ADAM29: variants seen among roughly 807,000 people sequenced by gnomAD.
The protein encoded by ADAM29 is disintegrin and metalloproteinase domain-containing protein 29.
For missense variants in ADAM29, 969 were observed against 1,001.8 expected, an observed-to-expected ratio of 0.97 and a Z score of 0.44; for synonymous variants, 367 against 342.3, an observed-to-expected ratio of 1.07 and a Z score of -0.80.
intron 4 of ADAM29, among the ~76,000 whole-genome samples, chr4:174,943,621 C>A (rs1416206133): frequency 6.6e-6 from 1 of 152,114 alleles, no homozygotes; most frequent in Non-Finnish European, 1.5e-5. Flanking sequence ...ATGATCCAAC[C>A]ACCTCCCACC....
intron 4 of ADAM29, among the ~76,000 whole-genome samples, chr4:174,974,079 A>G (rs949513474): frequency 1.3e-5 from 2 of 152,196 alleles, no homozygotes; most frequent in Admixed American, 6.5e-5. Context: ...TGGAATGGAC[A>G]GCCCACCAGT....
chr4:174,964,515 A>G (rs1264879933), intron 4 of ADAM29, among the ~76,000 whole-genome samples: 12 of 152,070 alleles, frequency 7.9e-5, no homozygotes, highest in Admixed American at 7.9e-4. Flanking sequence ...AAGATAAGAA[A>G]CCCCAAAATA....
intron 4 of ADAM29, among the ~76,000 whole-genome samples, chr4:174,964,784 T>C (rs549377069): frequency 1.2e-4 from 18 of 152,248 alleles, no homozygotes; most frequent in African/African-American, 4.3e-4. Context: ...ACATAGAAAG[T>C]TGAATTTAAC....
chr4:174,943,603 C>T, intron 4 of ADAM29, among the ~76,000 whole-genome samples: 1 of 152,044 alleles, frequency 6.6e-6, no homozygotes, highest in Non-Finnish European at 1.5e-5. Context: ...TGGGGGAAAT[C>T]CACCCCCATG....
chr4:174,952,356 AC>A (rs1745227526), intron 4 of ADAM29, among the ~76,000 whole-genome samples: 1 of 142,350 alleles, frequency 7.0e-6, no homozygotes, highest in Non-Finnish European at 1.5e-5. Context: ...ATAACCACAC[AC>A]ACACACACAC....
At chr4:174,939,626 T>C (rs1385443978) in intron 4 of ADAM29, among the ~76,000 whole-genome samples, 1 of 152,218 alleles carries the variant, frequency 6.6e-6, no homozygotes, top group African/African-American at 2.4e-5. Flanking sequence ...AAATAATTTA[T>C]AATATTTCAT....
intron 4 of ADAM29, among the ~76,000 whole-genome samples, chr4:174,952,534 C>T (rs1432869683): frequency 6.6e-6 from 1 of 152,098 alleles, no homozygotes; most frequent in Non-Finnish European, 1.5e-5. Flanking sequence ...TTTTAAAGAA[C>T]ACCTTTAGAA....
intron 4 of ADAM29, among the ~76,000 whole-genome samples, chr4:174,969,178 T>A (rs1352006884): frequency 6.6e-6 from 1 of 151,374 alleles, no homozygotes; most frequent in Non-Finnish European, 1.5e-5. Context: ...AAATTTTTTT[T>A]ATTATTATAC....
chr4:174,947,732 G>C (rs1010143880), intron 4 of ADAM29, among the ~76,000 whole-genome samples: 1 of 152,168 alleles, frequency 6.6e-6, no homozygotes, highest in Non-Finnish European at 1.5e-5. Context: ...CTTGGGTAGA[G>C]AGTTCTCTAG....
intron 4 of ADAM29, among the ~76,000 whole-genome samples, chr4:174,947,555 G>A (rs144208779): frequency 6.6e-6 from 1 of 152,142 alleles, no homozygotes; most frequent in Admixed American, 6.5e-5. Flanking sequence ...GTATGGTTTT[G>A]AGCAATCTTC....
intron 4 of ADAM29, among the ~76,000 whole-genome samples, chr4:174,950,527 C>T (rs1177933035): frequency 6.6e-6 from 1 of 152,182 alleles, no homozygotes; most frequent in Non-Finnish European, 1.5e-5. Context: ...ATTCTCCTAA[C>T]TATTGCTATA....
chr4:174,961,089 A>T (rs1391694752), intron 4 of ADAM29, among the ~76,000 whole-genome samples: 3 of 152,192 alleles, frequency 2.0e-5, no homozygotes, highest in African/African-American at 7.2e-5. Flanking sequence ...ATTCTATTTT[A>T]TAAAATGAGG....
intron 4 of ADAM29, among the ~76,000 whole-genome samples, chr4:174,956,945 A>T (rs566553527): frequency 6.6e-6 from 1 of 151,928 alleles, no homozygotes; most frequent in East Asian, 1.9e-4. Flanking sequence ...AAATCAGCAT[A>T]GTCAAATATG....
Position 174,920,799 on chromosome 4 carries a change from A to G in ADAM29, c.-451+7A>G, listed in dbSNP as rs1743120104. 2 of 152,202 alleles carry G rather than the reference A, an allele frequency of 1.3e-5. No individual in the cohort carries two copies. The highest frequency in any genetic ancestry group is 2.1e-4 in the South Asian group (1 of 4,830). 9.4% of individuals were successfully genotyped at this position (152,202 alleles called of 1,614,324 possible). The stretch of plus-strand genomic sequence containing the variant: ...GAAAATAAAGATGCTTAATGTAAGT[A>G]TCTTTGCAGTAAGATAATGTAATTA... On this transcript the variant is annotated splice_region_variant and intron_variant, in intron 2 of 4. Coordinates refer to ENST00000359240, the MANE Select transcript of ADAM29 (RefSeq NM_014269.4).
intron 4 of ADAM29, among the ~76,000 whole-genome samples, chr4:174,957,043 T>C (rs1745549594): frequency 6.6e-6 from 1 of 151,900 alleles, no homozygotes; most frequent in Admixed American, 6.6e-5. Flanking sequence ...CTTAAGCCAT[T>C]TTCTTTTATA....
At chr4:174,925,962 AATGAAAGTC>A (rs1743492148) in intron 2 of ADAM29, among the ~76,000 whole-genome samples, 1 of 152,196 alleles carries the variant, frequency 6.6e-6, no homozygotes, top group Admixed American at 6.5e-5. Context: ...GACACACTCT[AATGAAAGTC>A]AGCTTTCTTT....
intron 3 of ADAM29, among the ~76,000 whole-genome samples, chr4:174,932,934 A>T (rs557216988): frequency 1.3e-5 from 2 of 152,232 alleles, no homozygotes; most frequent in South Asian, 2.1e-4. Flanking sequence ...AATCTCCCCA[A>T]ATCTCCTAGG....
intron 4 of ADAM29, among the ~76,000 whole-genome samples, chr4:174,957,494 A>G (rs1047219568): frequency 1.3e-5 from 2 of 151,806 alleles, no homozygotes; most frequent in Non-Finnish European, 3.0e-5. Context: ...CATTTCAGGG[A>G]CAAACTGTTT....
intron 4 of ADAM29, among the ~76,000 whole-genome samples, chr4:174,941,155 A>G (rs1744515671): frequency 6.6e-6 from 1 of 152,198 alleles, no homozygotes; most frequent in South Asian, 2.1e-4. Context: ...ATTTCAAATT[A>G]TTTAATTTCA....
Sources: allele counts gnomAD v4.1 joint callset (sites outside exome capture counted in the v4.1 genomes callset), GRCh38; gene constraint gnomAD v4.1.1; transcripts MANE v1.5; gene names NCBI Gene and HGNC (gene_info 2026-07-23, HGNC 2026-07-21).